IQCM: variants seen among roughly 807,000 people sequenced by gnomAD.
IQCM encodes IQ domain-containing protein M.
Under a neutral mutation model 57.6 loss-of-function variants are expected in IQCM, and 45 were observed. The observed-to-expected ratio is 0.78, with a 90% CI of 0.62 to 1.00. The LOEUF is 1.00. Among genes scored for constraint, IQCM ranks in the 50% least tolerant of loss-of-function variants. The pLI is 0.00. For missense variants in IQCM, 468 were observed against 511.6 expected, an observed-to-expected ratio of 0.91 and a Z score of 0.82; for synonymous variants, 148 against 158.9, an observed-to-expected ratio of 0.93 and a Z score of 0.51.
Position 149,468,013 on chromosome 4 carries a change from C to T in IQCM, c.1229-34456G>A, listed in dbSNP as rs150130628. ...AGAAAGCAGTAAATATGGAAGATTG[C>T]TAGGGGGAGGCTCCAAGATGGCCGA... On this transcript the variant is annotated intron_variant, in intron 12 of 13. Transcript: ENST00000636793. Among the ~76,000 whole-genome samples, 287 of 152,144 alleles carry T rather than the reference C, an allele frequency of 1.9e-3. 1 individual carries two copies. Among genetic ancestry groups the T allele is most frequent in the Middle Eastern group, 0.01 (3 of 292 alleles).
intron 2 of IQCM, among the ~76,000 whole-genome samples, chr4:149,769,446 C>A (rs1429559489): frequency 1.3e-5 from 2 of 151,648 alleles, no homozygotes. Flanking sequence ...GTTAATGGGG[C>A]ACACATAGGG....
intron 3 of IQCM, among the ~76,000 whole-genome samples, chr4:149,739,470 T>A (rs537804114): frequency 0.031 from 4,318 of 137,898 alleles, 167 homozygotes; most frequent in African/African-American, 0.11. Flanking sequence ...TTATATAATT[T>A]TTTTTTTTTT....
intron 12 of IQCM, among the ~76,000 whole-genome samples, chr4:149,536,505 A>G (rs1747310835): frequency 2.6e-5 from 4 of 151,998 alleles, no homozygotes; most frequent in Admixed American, 1.3e-4. Flanking sequence ...GATTAACTCA[A>G]ATCCTACCCT....
intron 5 of IQCM, among the ~76,000 whole-genome samples, chr4:149,708,535 A>C (rs1764329077): frequency 6.6e-6 from 1 of 152,036 alleles, no homozygotes; most frequent in Non-Finnish European, 1.5e-5. Context: ...TATATGTGAT[A>C]ATTGCCTTTT....
chr4:149,736,149 T>TTGTAGA lies in IQCM; in HGVS notation c.38-692_38-691insTCTACA, dbSNP rs1183906809. ...TTATTGTAGAGATGGGGTTTCACCA[T>TTGTAGA]GCTGCCCAGGCTGGTCTCGAACTCC... On this transcript the variant is annotated intron_variant, in intron 3 of 13. Transcript: ENST00000636793. Among the ~76,000 whole-genome samples the TTGTAGA allele has an allele frequency of 6.4e-3, 979 of 152,202 alleles. 15 individuals carry two copies. The highest frequency in any genetic ancestry group is 0.021 in the African/African-American group (890 of 41,534).
At chr4:149,464,988 AAAGAG>A (rs1738694051) in intron 12 of IQCM, among the ~76,000 whole-genome samples, 1 of 152,186 alleles carries the variant, frequency 6.6e-6, no homozygotes, top group Non-Finnish European at 1.5e-5. Flanking sequence ...ATAGACCTGC[AAAGAG>A]AAGAAAACCA....
chr4:149,797,118 G>A (rs1442348280), intron 2 of IQCM, among the ~76,000 whole-genome samples: 2 of 152,074 alleles, frequency 1.3e-5, no homozygotes, highest in African/African-American at 2.4e-5. Context: ...TGACCTTTCA[G>A]ACAGAGCATT....
intron 13 of IQCM, among the ~76,000 whole-genome samples, chr4:149,430,376 C>T (rs1734747302): frequency 1.3e-5 from 2 of 151,972 alleles, no homozygotes; most frequent in African/African-American, 4.8e-5. Flanking sequence ...AAAATGTATA[C>T]AATAAACTGC....
intron 12 of IQCM, among the ~76,000 whole-genome samples, chr4:149,486,287 A>T (rs1415810120): frequency 1.3e-5 from 2 of 152,058 alleles, no homozygotes; most frequent in East Asian, 1.9e-4. Flanking sequence ...AGAGCTTGGA[A>T]TCAAAAACCT....
intron 2 of IQCM, among the ~76,000 whole-genome samples, chr4:149,804,413 C>G (rs778069401): frequency 6.6e-6 from 1 of 152,002 alleles, no homozygotes; most frequent in African/African-American, 2.4e-5. Flanking sequence ...CAGGTTCTAG[C>G]AGCAGTTTCC....
At chr4:149,483,859 A>G (rs1741175934) in intron 12 of IQCM, among the ~76,000 whole-genome samples, 1 of 151,916 alleles carries the variant, frequency 6.6e-6, no homozygotes, top group Non-Finnish European at 1.5e-5. Context: ...CCAGTGCTGA[A>G]TCTGGGGTGT....
rs140065325 is a variant in IQCM at position 149,670,673 on chromosome 4, G to C, written c.565+11445C>G. 5.7e-4 allele frequency among the ~76,000 whole-genome samples: 87 copies of C among 152,268 alleles called. No homozygotes were observed. The East Asian group carries it at 0.015, about 27-fold the overall frequency. ...CCCATGAATACCTAGTTTATTGAGA[G>C]TTTTTAGCATGAAGTGCTGTTGAAT... On this transcript the variant is annotated intron_variant, in intron 7 of 13. Coordinates refer to ENST00000636793, the MANE Select transcript of IQCM (RefSeq NM_001363507.2).
At chr4:149,735,065 T>C (rs1766808299) in intron 4 of IQCM, among the ~76,000 whole-genome samples, 1 of 152,176 alleles carries the variant, frequency 6.6e-6, no homozygotes, top group Non-Finnish European at 1.5e-5. Flanking sequence ...AAACAGCATT[T>C]AAAGGGATAT....
intron 12 of IQCM, among the ~76,000 whole-genome samples, chr4:149,521,419 T>C (rs181594397): frequency 2.0e-4 from 31 of 152,328 alleles, no homozygotes; most frequent in African/African-American, 6.7e-4. Flanking sequence ...CTACTCACAA[T>C]TTCCATAAAA....
intron 13 of IQCM, among the ~76,000 whole-genome samples, chr4:149,399,503 T>C (rs1487340637): frequency 1.3e-5 from 2 of 152,036 alleles, no homozygotes; most frequent in Admixed American, 1.3e-4. Flanking sequence ...AGGAGGGTTA[T>C]AGAGCTCTGC....
intron 7 of IQCM, among the ~76,000 whole-genome samples, chr4:149,647,274 T>C (rs1364433186): frequency 2.0e-5 from 3 of 152,178 alleles, no homozygotes. Flanking sequence ...TTTACTATTT[T>C]TGGCTTTTTA....
intron 13 of IQCM, among the ~76,000 whole-genome samples, chr4:149,360,422 GT>G (rs1729395822): frequency 6.6e-6 from 1 of 152,082 alleles, no homozygotes; most frequent in East Asian, 1.9e-4. Context: ...GCATCTGTGG[GT>G]TTTGGCATGC....
chr4:149,373,345 T>C (rs958418893), intron 13 of IQCM, among the ~76,000 whole-genome samples: 1 of 151,918 alleles, frequency 6.6e-6, no homozygotes, highest in African/African-American at 2.4e-5. Flanking sequence ...GTAAGTGGGG[T>C]GTCTGAATCC....
chr4:149,765,845 A>G (rs1237211903), intron 2 of IQCM, among the ~76,000 whole-genome samples: 1 of 151,938 alleles, frequency 6.6e-6, no homozygotes, highest in Admixed American at 6.6e-5. Flanking sequence ...AACCACCCAG[A>G]TCCATGACTC....
Sources: gnomAD v4.1 joint callset for allele counts (sites outside exome capture counted in the v4.1 genomes callset) on GRCh38, gnomAD v4.1.1 for gene constraint, MANE v1.5 for transcripts, NCBI Gene and HGNC (gene_info 2026-07-23, HGNC 2026-07-21) for gene names.